PHKA1: variants seen among roughly 807,000 people sequenced by gnomAD.
The protein encoded by PHKA1 is phosphorylase b kinase regulatory subunit alpha, skeletal muscle isoform.
PHKA1 carries 60 observed loss-of-function variants against 110.2 expected under a neutral mutation model. That is an observed-to-expected ratio of 0.54 (90% confidence interval 0.44 to 0.68). The LOEUF (loss-of-function observed/expected upper bound fraction) is 0.68, where lower values mean the gene tolerates loss of function less well. Among genes scored for constraint, PHKA1 ranks in the 30% least tolerant of loss-of-function variants. The probability of loss-of-function intolerance (pLI) is 0.00; values close to 1 mark genes in which losing one functional copy is unlikely to be tolerated. For missense variants in PHKA1, 801 were observed against 942.5 expected (o/e 0.85, Z 1.97); for synonymous variants, 316 against 333.6 (o/e 0.95, Z 0.58).
At chrX:72,627,259 A>G (rs782559468) in intron 16 of PHKA1, among the ~76,000 whole-genome samples, 4 of 111,708 alleles carry the variant, frequency 3.6e-5, no homozygotes, top group African/African-American at 1.3e-4. Context: ...AGATTTCCTC[A>G]AAGGCATTAT....
intron 28 of PHKA1, among the ~76,000 whole-genome samples, chrX:72,599,494 T>C: frequency 9.0e-6 from 1 of 111,710 alleles, no homozygotes; most frequent in East Asian, 2.8e-4. Context: ...ATCAGAATCA[T>C]CTAAATAAAA....
At chrX:72,695,635 A>G in intron 4 of PHKA1, 73 bp downstream of exon 4, 2 of 1,068,974 alleles carry the variant, frequency 1.9e-6, no homozygotes, top group Non-Finnish European at 2.6e-6. Context: ...CCGGTTCTCA[A>G]TTTAAAAGAA....
intron 2 of PHKA1, among the ~76,000 whole-genome samples, chrX:72,709,092 A>G (rs1472206235): frequency 1.8e-5 from 2 of 111,173 alleles, no homozygotes; most frequent in Non-Finnish European, 1.9e-5. Context: ...GAGGTGACAA[A>G]TGAAAACCTA....
At chrX:72,656,315 T>C in intron 9 of PHKA1, 73 bp from the exon 10 acceptor site, 6 of 1,074,111 alleles carry the variant, frequency 5.6e-6, no homozygotes, top group Non-Finnish European at 7.7e-6. Context: ...GGTATTATAA[T>C]ACGGGTTTTC....
intron 9 of PHKA1, among the ~76,000 whole-genome samples, chrX:72,657,003 C>T (rs782766242): frequency 8.9e-5 from 10 of 111,939 alleles, no homozygotes; most frequent in Non-Finnish European, 1.7e-4. Context: ...GTCTCTCAAA[C>T]ATCAAATCTA....
In PHKA1 at chrX:72,579,599, T is replaced by C. The variant is rs1242889374; in HGVS notation, c.*1403A>G. The C allele has an allele frequency of 8.9e-6, 1 of 111,848 alleles. No homozygotes were observed. The highest frequency in any genetic ancestry group is 1.9e-5 in the Non-Finnish European group (1 of 53,194). 9.2% of individuals were successfully genotyped at this position (111,848 alleles called of 1,213,427 possible). ...CTGAAGCTATTCTTCCACCAATCTG[T>C]GTGTGTCAATCTGAGTCCACAGTCA... On this transcript the variant is annotated 3_prime_UTR_variant, in exon 32 of 32. Coordinates refer to ENST00000373542, the MANE Select transcript of PHKA1 (RefSeq NM_002637.4).
intron 21 of PHKA1, among the ~76,000 whole-genome samples, chrX:72,617,428 G>A (rs1448170834): frequency 4.5e-5 from 5 of 111,269 alleles, no homozygotes; most frequent in Admixed American, 3.8e-4. Flanking sequence ...GCTGAGGTGG[G>A]AGGATCACTT....
chrX:72,583,744 C>T (rs962016890), intron 30 of PHKA1, among the ~76,000 whole-genome samples: 4 of 112,059 alleles, frequency 3.6e-5, no homozygotes, highest in Non-Finnish European at 7.5e-5. Context: ...TAATATTTTC[C>T]AACCACGGTT....
rs932309741 is a variant in PHKA1 at position 72,581,276 on chromosome X, C to A, written c.3499-101G>T. The A allele has an allele frequency of 4.6e-5, 26 of 565,700 alleles. No homozygotes were observed. The African/African-American group carries it at 5.8e-4, about 13-fold the overall frequency. The allele number at this position is 565,700 out of a possible 1,213,427, so 46.6% of individuals were successfully genotyped here. A position where few individuals can be genotyped will look rare whatever the true frequency, so the allele number is the denominator to read the frequency against. ...GCATAATTCAGAACCTCCTCCCCAA[C>A]ACCAATTAGTTGGGCCCTAGACTGT... On this transcript the variant is annotated intron_variant, in intron 31 of 31. Coordinates refer to ENST00000373542, the MANE Select transcript of PHKA1 (RefSeq NM_002637.4).
intron 29 of PHKA1, among the ~76,000 whole-genome samples, chrX:72,586,704 T>A (rs2052435892): frequency 9.1e-6 from 1 of 110,069 alleles, no homozygotes; most frequent in South Asian, 3.9e-4. Flanking sequence ...GATGAATGGC[T>A]AACTAGAATA....
chrX:72,582,497 G>C lies in PHKA1; in HGVS notation c.3399C>G (p.Val1133=). Residue 1133 remains valine, a synonymous_variant, in exon 31 of 32, where the codon GTC becomes GTG. Transcript: ENST00000373542. Reference sequence around the variant, plus strand: ...TTTCAATATCTGCCAGCATGGTGAGGACAAGGATGGCTTCAACCAGCAGCT... The same window carrying C: ...TTTCAATATCTGCCAGCATGGTGAGCACAAGGATGGCTTCAACCAGCAGCT... ...YRQLLVEAIL[V]LTMLADIEIH... 8.3e-7 allele frequency: 1 copy of C among 1,200,676 alleles called. No individual in the cohort carries two copies. The highest frequency in any genetic ancestry group is 1.1e-6 in the Non-Finnish European group (1 of 885,260).
At chrX:72,627,554 T>C (rs782627439) in intron 16 of PHKA1, among the ~76,000 whole-genome samples, 1 of 112,459 alleles carries the variant, frequency 8.9e-6, no homozygotes, top group Non-Finnish European at 1.9e-5. Context: ...TTTCTAACTT[T>C]ACCTTTGTAA....
intron 16 of PHKA1, among the ~76,000 whole-genome samples, chrX:72,631,394 C>CT (rs782373700): frequency 4.5e-5 from 5 of 111,096 alleles, no homozygotes; most frequent in Non-Finnish European, 9.4e-5. Flanking sequence ...TAGCCCTTCT[C>CT]TGATACTACT....
At chrX:72,597,099 A>C (rs1318116094) in intron 28 of PHKA1, among the ~76,000 whole-genome samples, 1 of 112,120 alleles carries the variant, frequency 8.9e-6, no homozygotes, top group African/African-American at 3.2e-5. Context: ...ACCACACACA[A>C]AAATTAAGCC....
At chrX:72,681,759 G>A (rs2053882333) in intron 5 of PHKA1, among the ~76,000 whole-genome samples, 1 of 61,757 alleles carries the variant, frequency 1.6e-5, no homozygotes, top group Non-Finnish European at 2.9e-5. Flanking sequence ...GCCCCATCTG[G>A]GAGGTGAGGG....
chrX:72,626,535 C>G lies in PHKA1; in HGVS notation c.1793+436G>C, dbSNP rs781804573. ...TCTAAGTAGGATGGGATTATGTTAT[C>G]GAAGATACAGTTAGCCCCCGCTTAC... On this transcript the variant is annotated intron_variant, in intron 17 of 31. Transcript: ENST00000373542. Among the ~76,000 whole-genome samples the G allele has an allele frequency of 2.7e-5, 3 of 111,061 alleles. No homozygotes were observed. The Admixed American group carries it at 2.9e-4, about 11-fold the overall frequency.
At chrX:72,631,590 A>T (rs1452394677) in intron 16 of PHKA1, among the ~76,000 whole-genome samples, 1 of 110,858 alleles carries the variant, frequency 9.0e-6, no homozygotes, top group Non-Finnish European at 1.9e-5. Context: ...TTGGGTCTTT[A>T]AAAAAACCTG....
At chrX:72,628,529 C>A (rs2053118728) in intron 16 of PHKA1, among the ~76,000 whole-genome samples, 1 of 104,317 alleles carries the variant, frequency 9.6e-6, no homozygotes, top group Non-Finnish European at 1.9e-5. Flanking sequence ...CTCTCTTCAA[C>A]CTAAGATAAC....
At chrX:72,615,903 G>A (rs2052889807) in intron 21 of PHKA1, among the ~76,000 whole-genome samples, 1 of 111,834 alleles carries the variant, frequency 8.9e-6, no homozygotes, top group Non-Finnish European at 1.9e-5. Flanking sequence ...CCATTAAAAA[G>A]CAGAGTAGCT....
Sources: gnomAD v4.1 joint callset for allele counts (sites outside exome capture counted in the v4.1 genomes callset) on GRCh38, gnomAD v4.1.1 for gene constraint, MANE v1.5 for transcripts, NCBI Gene and HGNC (gene_info 2026-07-23, HGNC 2026-07-21) for gene names.